MBNL3: variants seen among roughly 807,000 people sequenced by gnomAD.
MBNL3 encodes the protein muscleblind like splicing regulator 3, also known as muscleblind-like protein 3.
A neutral mutation model predicts 24.5 loss-of-function variants in MBNL3; 6 were observed. That is an observed-to-expected ratio of 0.25 (90% confidence interval 0.13 to 0.48). The LOEUF is 0.48. Ranked by LOEUF, MBNL3 falls within the 20% of genes least tolerant of loss-of-function variation. The pLI is 0.99. For missense variants in MBNL3, 230 were observed against 293.5 expected, an observed-to-expected ratio of 0.78 and a Z score of 1.58; for synonymous variants, 100 against 101.7, an observed-to-expected ratio of 0.98 and a Z score of 0.10.
intron 1 of MBNL3, among the ~76,000 whole-genome samples, chrX:132,476,711 T>C (rs1947458360): frequency 8.9e-6 from 1 of 112,179 alleles, no homozygotes; most frequent in Non-Finnish European, 1.9e-5. Context: ...ATGAAATGAA[T>C]GATAAGTTGG....
intron 2 of MBNL3, among the ~76,000 whole-genome samples, chrX:132,413,881 T>A (rs930213756): frequency 2.7e-5 from 3 of 111,781 alleles, no homozygotes; most frequent in East Asian, 5.6e-4. Context: ...GGCTTTTAAG[T>A]TTTTTAAGGT....
rs768847869 is a variant in MBNL3 at position 132,467,195 on chromosome X, G to GAGAA, written c.-704+21652_-704+21655dup. 2.7e-5 allele frequency among the ~76,000 whole-genome samples: 3 copies of GAGAA among 111,601 alleles called. No homozygotes were observed. The South Asian group carries it at 1.1e-3, about 42-fold the overall frequency. ...TTAGATTTTCCAGGAAGCCAACTAG[G>GAGAA]AGAAAGCATAGTTTGCATGCCTAGA... On this transcript the variant is annotated intron_variant, in intron 1 of 8. Transcript: ENST00000370853.
intron 1 of MBNL3, among the ~76,000 whole-genome samples, chrX:132,479,969 A>C (rs1028330806): frequency 4.5e-5 from 5 of 111,663 alleles, no homozygotes; most frequent in Admixed American, 9.5e-5. Flanking sequence ...TGTCTTTTAT[A>C]AACATTTAAC....
In MBNL3 at chrX:132,374,587, T is replaced by C. The variant is rs1398724157; in HGVS notation, c.*5079A>G. 9.0e-6 allele frequency: 1 copy of C among 111,183 alleles called. No individual in the cohort carries two copies. Among genetic ancestry groups the C allele is most frequent in the Non-Finnish European group, 1.9e-5 (1 of 52,847 alleles). 9.2% of individuals were successfully genotyped at this position (111,183 alleles called of 1,213,427 possible). The stretch of plus-strand genomic sequence containing the variant: ...TCTCTCTTACTAACTTTTCCACTAT[T>C]ATCACAGACTTCTTACATTTAAAAA... On this transcript the variant is annotated 3_prime_UTR_variant, in exon 9 of 9. Transcript: ENST00000370853.
intron 8 of MBNL3, among the ~76,000 whole-genome samples, chrX:132,380,656 T>C (rs1363737101): frequency 9.0e-6 from 1 of 111,059 alleles, no homozygotes; most frequent in Admixed American, 9.7e-5. Context: ...AACTTCAAAC[T>C]TTCGATGATG....
At chrX:132,409,493 A>C (rs1472652212) in intron 2 of MBNL3, among the ~76,000 whole-genome samples, 1 of 111,485 alleles carries the variant, frequency 9.0e-6, no homozygotes, top group Non-Finnish European at 1.9e-5. Context: ...TGGGTCTATA[A>C]CAGTTTGGTG....
At chrX:132,423,559 G>A (rs1944019597) in intron 2 of MBNL3, among the ~76,000 whole-genome samples, 1 of 111,928 alleles carries the variant, frequency 8.9e-6, no homozygotes, top group African/African-American at 3.3e-5. Flanking sequence ...AAAAGCCGAA[G>A]TATCAATAGA....
intron 3 of MBNL3, among the ~76,000 whole-genome samples, chrX:132,398,890 G>T (rs1259871357): frequency 9.0e-6 from 1 of 110,892 alleles, no homozygotes; most frequent in Non-Finnish European, 1.9e-5. Context: ...AAAAAGAAAG[G>T]CCCAAAGCTA....
chrX:132,486,551 T>C (rs774376751), intron 1 of MBNL3, among the ~76,000 whole-genome samples: 3 of 112,381 alleles, frequency 2.7e-5, no homozygotes, highest in Non-Finnish European at 3.8e-5. Flanking sequence ...GCAAATACAA[T>C]GCAGACAACT....
At chrX:132,457,652 A>G (rs760755338) in intron 1 of MBNL3, among the ~76,000 whole-genome samples, 2 of 111,549 alleles carry the variant, frequency 1.8e-5, no homozygotes, top group Admixed American at 1.9e-4. Flanking sequence ...TTCCATATAC[A>G]GAAAGGGAAC....
intron 2 of MBNL3, among the ~76,000 whole-genome samples, chrX:132,420,309 G>A (rs1373031461): frequency 8.9e-6 from 1 of 112,036 alleles, no homozygotes; most frequent in Non-Finnish European, 1.9e-5. Flanking sequence ...ACACCCTGCC[G>A]GATCTGGAGG....
At chrX:132,420,680 G>A (rs562903303) in intron 2 of MBNL3, among the ~76,000 whole-genome samples, 5 of 110,894 alleles carry the variant, frequency 4.5e-5, no homozygotes, top group Admixed American at 9.6e-5. Flanking sequence ...AGGTGGATGC[G>A]GTCACTTTCC....
intron 7 of MBNL3, among the ~76,000 whole-genome samples, chrX:132,384,431 A>G (rs1935606159): frequency 8.9e-6 from 1 of 112,163 alleles, no homozygotes; most frequent in Non-Finnish European, 1.9e-5. Context: ...GTTAGGGTAG[A>G]AATAGAGAAA....
chrX:132,391,596 AT>A (rs1239030586), intron 4 of MBNL3, among the ~76,000 whole-genome samples: 2 of 112,483 alleles, frequency 1.8e-5, no homozygotes, highest in Non-Finnish European at 3.7e-5. Context: ...AAGAATAACA[AT>A]AGAAGAATGA....
rs1362939072 is a variant in MBNL3 at position 132,372,700 on chromosome X, G to A, written c.*6966C>T. On this transcript the variant is annotated 3_prime_UTR_variant, in exon 9 of 9. Transcript: ENST00000370853. ...AGTTTTATGACAGATAAATCTTTAG[G>A]TTGTGTGTTTTCAGAGAAAAAAGCA... 2 of 109,963 alleles carry A rather than the reference G, an allele frequency of 1.8e-5. No individual in the cohort carries two copies. Among genetic ancestry groups the A allele is most frequent in the African/African-American group, 6.6e-5 (2 of 30,405 alleles). 9.1% of individuals were successfully genotyped at this position (109,963 alleles called of 1,213,427 possible).
At chrX:132,428,939 T>C (rs1944523936) in intron 2 of MBNL3, among the ~76,000 whole-genome samples, 2 of 112,602 alleles carry the variant, frequency 1.8e-5, no homozygotes, top group African/African-American at 6.4e-5. Context: ...AAGAGTTTCT[T>C]CTAGACAAAA....
At chrX:132,444,398 T>C (rs1945583163) in intron 1 of MBNL3, among the ~76,000 whole-genome samples, 1 of 111,258 alleles carries the variant, frequency 9.0e-6, no homozygotes, top group Non-Finnish European at 1.9e-5. Context: ...TGACAATATC[T>C]AGGATTCTTC....
chrX:132,445,976 T>G (rs1945692535), intron 1 of MBNL3, among the ~76,000 whole-genome samples: 1 of 111,091 alleles, frequency 9.0e-6, no homozygotes, highest in African/African-American at 3.3e-5. Flanking sequence ...CCGTGGTGTG[T>G]AATGTTCCCC....
In MBNL3 at chrX:132,424,958, CA is replaced by C. The variant is rs764729410; in HGVS notation, c.177+14476del. On this transcript the variant is annotated intron_variant, in intron 2 of 8. Coordinates refer to ENST00000370853, the MANE Select transcript of MBNL3 (RefSeq NM_001386889.1). ...GTCACATGCCACTAAAGTGAGGCCT[CA>C]AGAATTGGGAAAAAGGGGGAGACAG... is the stretch of plus-strand genomic sequence containing the variant. 8.1e-5 allele frequency among the ~76,000 whole-genome samples: 9 copies of C among 111,395 alleles called. No individual in the cohort carries two copies. In the South Asian group the frequency reaches 3.4e-3, roughly 42 times the overall value.
Sources: gnomAD v4.1 joint callset for allele counts (sites outside exome capture counted in the v4.1 genomes callset) on GRCh38, gnomAD v4.1.1 for gene constraint, MANE v1.5 for transcripts, NCBI Gene and HGNC (gene_info 2026-07-23, HGNC 2026-07-21) for gene names.